Variants in TRDN observed in about 807,000 individuals in gnomAD.
TRDN encodes triadin in skeletal muscle.
In TRDN, 161 loss-of-function variants were observed where a neutral mutation model predicts 149.7. That is an observed-to-expected ratio of 1.08 (90% CI 0.95 to 1.23). The LOEUF is 1.23. Among genes scored for constraint, TRDN ranks in the 50% most tolerant of loss-of-function variants. The pLI, the probability that TRDN is intolerant of heterozygous loss-of-function variation, is 0.00. For synonymous variants in TRDN, 294 were observed against 250.5 expected (o/e 1.17, Z -1.64); for missense variants, 896 against 823.5 (o/e 1.09, Z -1.08).
intron 2 of TRDN, among the ~76,000 whole-genome samples, chr6:123,568,087 T>A (rs1305740842): frequency 6.6e-6 from 1 of 152,080 alleles, no homozygotes; most frequent in African/African-American, 2.4e-5. Flanking sequence ...AAGGGAGAAA[T>A]CAGCCAAAGG....
chr6:123,433,492 A>G (rs1774428003), intron 12 of TRDN, among the ~76,000 whole-genome samples: 1 of 152,048 alleles, frequency 6.6e-6, no homozygotes, highest in South Asian at 2.1e-4. Context: ...AGCTTGGCAT[A>G]TAGTAGGCAT....
intron 10 of TRDN, among the ~76,000 whole-genome samples, chr6:123,446,231 T>C (rs946788446): frequency 2.8e-5 from 4 of 145,420 alleles, no homozygotes; most frequent in African/African-American, 1.0e-4. Context: ...CTCTGGGGAC[T>C]GTTGTGGGGT....
At position 123,512,366 on chromosome 6, in the gene TRDN, A is replaced by G. The variant is rs1413167708; in HGVS notation, c.551-4T>C. The G allele has an allele frequency of 1.3e-6, 2 of 1,487,514 alleles. No homozygotes were observed. The highest frequency in any genetic ancestry group is 3.8e-5 in the Admixed American group (2 of 52,504). The allele number at this position is 1,487,514 out of a possible 1,614,324, so 92.1% of individuals were successfully genotyped here. ...TCAATTTTTTCCTTGTGAGTTGCTT[A>G]AACAGAAAATTTTACATTAGTACAC... On this transcript the variant is annotated splice_polypyrimidine_tract_variant and splice_region_variant and intron_variant, in intron 6 of 40. Transcript: ENST00000334268.
chr6:123,318,369 A>G (rs1779111956), intron 23 of TRDN, among the ~76,000 whole-genome samples: 1 of 152,002 alleles, frequency 6.6e-6, no homozygotes, highest in Non-Finnish European at 1.5e-5. Context: ...AGTACATGCT[A>G]TTTTAATCCC....
intron 12 of TRDN, among the ~76,000 whole-genome samples, chr6:123,412,443 G>A (rs1268206261): frequency 6.6e-6 from 1 of 152,168 alleles, no homozygotes; most frequent in Non-Finnish European, 1.5e-5. Flanking sequence ...GCTAGTGGCT[G>A]CCACATGCAA....
chr6:123,439,874 C>T (rs190644012), intron 10 of TRDN: 9 of 152,280 alleles, frequency 5.9e-5, no homozygotes, highest in East Asian at 5.8e-4. Context: ...ATAATAGCTA[C>T]GGTTAATGTT....
chr6:123,568,227 A>G (rs1230644003), intron 2 of TRDN, among the ~76,000 whole-genome samples: 1 of 152,146 alleles, frequency 6.6e-6, no homozygotes, highest in African/African-American at 2.4e-5. Flanking sequence ...GGTCCCAAGG[A>G]ATTGGGCAGC....
intron 2 of TRDN, among the ~76,000 whole-genome samples, chr6:123,566,829 C>A (rs1782319295): frequency 6.6e-6 from 1 of 152,024 alleles, no homozygotes; most frequent in Non-Finnish European, 1.5e-5. Flanking sequence ...TTATATAGTT[C>A]TTTCATTTTT....
intron 4 of TRDN, among the ~76,000 whole-genome samples, chr6:123,530,809 A>C (rs2114340272): frequency 6.6e-6 from 1 of 152,108 alleles, no homozygotes; most frequent in Non-Finnish European, 1.5e-5. Context: ...TAAACATTTA[A>C]TAGACAGAGC....
intron 1 of TRDN, among the ~76,000 whole-genome samples, chr6:123,632,400 GT>G (rs916384171): frequency 6.6e-6 from 1 of 151,814 alleles, no homozygotes; most frequent in African/African-American, 2.4e-5. Context: ...TGCCAATAGT[GT>G]GCCTTTTTTG....
chr6:123,313,445 T>C (rs1164480768), intron 24 of TRDN, among the ~76,000 whole-genome samples: 1 of 151,990 alleles, frequency 6.6e-6, no homozygotes, highest in East Asian at 1.9e-4. Flanking sequence ...TCTTTGAGGT[T>C]GCTGCCCTTT....
chr6:123,310,399 AT>A (rs1446414469), intron 24 of TRDN, among the ~76,000 whole-genome samples: 1 of 152,068 alleles, frequency 6.6e-6, no homozygotes, highest in African/African-American at 2.4e-5. Flanking sequence ...AGAAAAGGAA[AT>A]TTGTGAAATT....
intron 23 of TRDN, among the ~76,000 whole-genome samples, chr6:123,330,853 C>T (rs1044007958): frequency 6.6e-6 from 1 of 151,996 alleles, no homozygotes. Context: ...TTTCCTCTCC[C>T]GCTGATCTCC....
At chr6:123,609,238 A>G (rs997157312) in intron 1 of TRDN, among the ~76,000 whole-genome samples, 11 of 152,104 alleles carry the variant, frequency 7.2e-5, no homozygotes, top group African/African-American at 2.7e-4. Flanking sequence ...AGTAAACAAT[A>G]TAATGAAATA....
intron 1 of TRDN, among the ~76,000 whole-genome samples, chr6:123,626,014 G>T (rs1785643243): frequency 1.3e-5 from 2 of 152,150 alleles, no homozygotes; most frequent in Admixed American, 1.3e-4. Context: ...TTTACCCATA[G>T]GAGAATTTCT....
intron 19 of TRDN, among the ~76,000 whole-genome samples, chr6:123,366,994 CAT>C (rs1781127121): frequency 6.6e-6 from 1 of 152,116 alleles, no homozygotes; most frequent in Admixed American, 6.5e-5. Flanking sequence ...GCTGTAATAT[CAT>C]AGAAAATTTC....
intron 10 of TRDN, among the ~76,000 whole-genome samples, chr6:123,443,625 G>A (rs12213616): frequency 6.6e-6 from 1 of 151,782 alleles, no homozygotes; most frequent in Admixed American, 6.6e-5. Flanking sequence ...ATCCCGTCAC[G>A]ACTAAAAATA....
At chr6:123,346,887 G>C (rs1780272508) in intron 21 of TRDN, among the ~76,000 whole-genome samples, 1 of 151,902 alleles carries the variant, frequency 6.6e-6, no homozygotes, top group Non-Finnish European at 1.5e-5. Flanking sequence ...AACTCGACCT[G>C]AGAAAATGAA....
chr6:123,534,557 G>A (rs1046544888), intron 4 of TRDN, among the ~76,000 whole-genome samples: 1 of 152,088 alleles, frequency 6.6e-6, no homozygotes. Context: ...TTTAGACTTT[G>A]GAAAGGTATT....
Sources: allele counts gnomAD v4.1 joint callset (sites outside exome capture counted in the v4.1 genomes callset), GRCh38; gene constraint gnomAD v4.1.1; transcripts MANE v1.5; gene names NCBI Gene and HGNC (gene_info 2026-07-23, HGNC 2026-07-21).